Variants in UMAD1 observed in about 807,000 individuals in gnomAD.
UMAD1 encodes the protein UBAP1-MVB12-associated (UMA) domain containing 1, also known as UBAP1-MVB12-associated (UMA)-domain containing protein 1.
A neutral mutation model predicts 6.1 loss-of-function variants in UMAD1; 8 were observed. The observed-to-expected ratio is 1.30, with a 90% confidence interval of 0.76 to 2.35. The LOEUF (loss-of-function observed/expected upper bound fraction) is 2.35, where lower values mean the gene tolerates loss of function less well. Ranked by LOEUF, UMAD1 falls within the 30% of genes most tolerant of loss-of-function variation. The probability of loss-of-function intolerance (pLI) is 0.00; values close to 1 mark genes in which losing one functional copy is unlikely to be tolerated. For synonymous variants in UMAD1, 56 were observed against 31.4 expected (o/e 1.78, Z -2.61); for missense variants, 130 against 78.4 (o/e 1.66, Z -2.49).
chr7:7,781,301 C>T (rs6463718), intron 2 of UMAD1, among the ~76,000 whole-genome samples: 70,402 of 151,736 alleles, frequency 0.46, 16,365 homozygotes, highest in Non-Finnish European at 0.5. Context: ...TTTAATAGTA[C>T]ATAGGGCGCA....
intron 2 of UMAD1, among the ~76,000 whole-genome samples, chr7:7,674,803 C>A (rs1026027571): frequency 1.3e-5 from 2 of 152,116 alleles, no homozygotes; most frequent in African/African-American, 4.8e-5. Context: ...TTGAATTAGC[C>A]TCGCTAACAG....
chr7:7,839,375 T>C (rs1406086492), intron 3 of UMAD1, among the ~76,000 whole-genome samples: 1 of 152,064 alleles, frequency 6.6e-6, no homozygotes, highest in Non-Finnish European at 1.5e-5. Flanking sequence ...CATGCCAGGC[T>C]AATTTAAAAA....
chr7:7,650,814 A>G (rs1785208268), intron 1 of UMAD1, among the ~76,000 whole-genome samples: 1 of 151,848 alleles, frequency 6.6e-6, no homozygotes, highest in African/African-American at 2.4e-5. Context: ...TTAAGTCCAA[A>G]CTCCTTGGCA....
chr7:7,694,719 A>G (rs113028160), intron 2 of UMAD1, among the ~76,000 whole-genome samples: 114 of 152,286 alleles, frequency 7.5e-4, no homozygotes, highest in African/African-American at 2.6e-3. Flanking sequence ...ACAGGATCTC[A>G]TTCTTCTTTA....
intron 2 of UMAD1, among the ~76,000 whole-genome samples, chr7:7,718,955 T>G (rs1248871278): frequency 6.8e-6 from 1 of 148,086 alleles, no homozygotes; most frequent in Non-Finnish European, 1.5e-5. Flanking sequence ...AACCACTGAT[T>G]ACAATTAATT....
chr7:7,829,289 G>A (rs1040293657), intron 3 of UMAD1, among the ~76,000 whole-genome samples: 1 of 152,208 alleles, frequency 6.6e-6, no homozygotes, highest in Non-Finnish European at 1.5e-5. Flanking sequence ...GCACTGAACA[G>A]CTAGTCCAGT....
chr7:7,842,829 A>G (rs1395018962), intron 3 of UMAD1, among the ~76,000 whole-genome samples: 1 of 152,180 alleles, frequency 6.6e-6, no homozygotes, highest in Non-Finnish European at 1.5e-5. Context: ...TATGCCAGCC[A>G]TGGTACTCAG....
At chr7:7,834,906 A>AG (rs1177464448) in intron 3 of UMAD1, among the ~76,000 whole-genome samples, 6 of 152,194 alleles carry the variant, frequency 3.9e-5, no homozygotes, top group Non-Finnish European at 7.3e-5. Flanking sequence ...CAGAAGGCGA[A>AG]GGGGAAGTAA....
At chr7:7,672,845 A>G (rs1779640736) in intron 1 of UMAD1, among the ~76,000 whole-genome samples, 1 of 152,166 alleles carries the variant, frequency 6.6e-6, no homozygotes, top group African/African-American at 2.4e-5. Context: ...CAATTAGGTA[A>G]CCATCAGTAG....
At chr7:7,682,484 C>A (rs1779936722) in intron 2 of UMAD1, among the ~76,000 whole-genome samples, 1 of 151,968 alleles carries the variant, frequency 6.6e-6, no homozygotes, top group Admixed American at 6.6e-5. Context: ...TGTGTTGTTT[C>A]CTTTATTTAA....
In UMAD1 at chr7:7,801,702, A is replaced by G. The variant is rs1477045953; in HGVS notation, c.115A>G (p.Arg39Gly). 6 of 718,050 alleles carry G rather than the reference A, an allele frequency of 8.4e-6. No individual in the cohort carries two copies. In the Admixed American group the frequency reaches 1.2e-4, roughly 14 times the overall value. The allele number at this position is 718,050 out of a possible 1,614,324, so 44.5% of individuals were successfully genotyped here. The change falls in exon 3 of 4, where the codon AGA becomes GGA. Residue 39 changes from arginine (R) to glycine (G), a missense_variant. Coordinates refer to ENST00000682710, the MANE Select transcript of UMAD1 (RefSeq NM_001302348.2). ...AACAGATGAGCAAAGAATGACAGCAAGAGGCAAAACTTCGGACATAGAGGC... is the reference window on the plus strand; with the variant it reads ...AACAGATGAGCAAAGAATGACAGCAGGAGGCAAAACTTCGGACATAGAGGC... ...DTTDEQRMTA[R>G]GKTSDIEANQ... is the part of the protein sequence containing the mutation.
Position 7,708,785 on chromosome 7 carries a change from GA to G in UMAD1, c.82+35333del, listed in dbSNP as rs1780674217. On this transcript the variant is annotated intron_variant, in intron 2 of 3. Coordinates refer to ENST00000682710, the MANE Select transcript of UMAD1 (RefSeq NM_001302348.2). ...AGCTTTTCAACAGATAGAATGTTAG[GA>G]CTTTTTTTGCCCATTAATATGTGGT... 2.0e-5 allele frequency among the ~76,000 whole-genome samples: 3 copies of G among 152,192 alleles called. No homozygotes were observed. In the South Asian group the frequency reaches 6.2e-4, roughly 32 times the overall value.
intron 2 of UMAD1, among the ~76,000 whole-genome samples, chr7:7,723,835 C>T (rs577782161): frequency 5.3e-5 from 8 of 152,252 alleles, no homozygotes; most frequent in South Asian, 2.1e-4. Flanking sequence ...TAGTCTGACT[C>T]GTGTAGAGCT....
chr7:7,759,308 A>G (rs1781839560), intron 2 of UMAD1, among the ~76,000 whole-genome samples: 2 of 152,186 alleles, frequency 1.3e-5, no homozygotes, highest in African/African-American at 4.8e-5. Context: ...AGGAATTACA[A>G]CTGCTATTAA....
intron 2 of UMAD1, among the ~76,000 whole-genome samples, chr7:7,767,651 C>T (rs1005590215): frequency 6.6e-6 from 1 of 152,196 alleles, no homozygotes; most frequent in Admixed American, 6.5e-5. Context: ...CCACTCACAA[C>T]AGTAACAGTT....
chr7:7,863,067 T>A (rs1438586567), intron 3 of UMAD1, among the ~76,000 whole-genome samples: 1 of 152,084 alleles, frequency 6.6e-6, no homozygotes, highest in Non-Finnish European at 1.5e-5. Flanking sequence ...TTGTTAGAGA[T>A]TGCTTATGTA....
intron 3 of UMAD1, among the ~76,000 whole-genome samples, chr7:7,850,493 T>G (rs1456561455): frequency 6.6e-6 from 1 of 152,126 alleles, no homozygotes; most frequent in East Asian, 1.9e-4. Flanking sequence ...ATGTCTTTTA[T>G]TGATCACAAT....
chr7:7,871,776 C>T (rs1195110488), intron 3 of UMAD1, among the ~76,000 whole-genome samples: 1 of 151,736 alleles, frequency 6.6e-6, no homozygotes, highest in African/African-American at 2.4e-5. Context: ...AATTTTTTTA[C>T]TGTACTAGAT....
At chr7:7,804,542 G>A (rs565539837) in intron 3 of UMAD1, among the ~76,000 whole-genome samples, 74 of 152,284 alleles carry the variant, frequency 4.9e-4, no homozygotes, top group African/African-American at 1.6e-3. Context: ...GCTTGGCGCC[G>A]TGCGCCTGTA....
Sources: allele counts gnomAD v4.1 joint callset (sites outside exome capture counted in the v4.1 genomes callset), GRCh38; gene constraint gnomAD v4.1.1; transcripts MANE v1.5; gene names NCBI Gene and HGNC (gene_info 2026-07-23, HGNC 2026-07-21).